ZNF875: variants seen among roughly 807,000 people sequenced by gnomAD.
The protein encoded by ZNF875 is zinc finger protein 875.
ZNF875 carries 14 observed loss-of-function variants against 11.2 expected under a neutral mutation model. That is an observed-to-expected ratio of 1.26 (90% CI 0.83 to 1.96). The LOEUF (loss-of-function observed/expected upper bound fraction) is 1.96. ZNF875 is among the 30% of genes most tolerant of loss of function. ZNF875 has a pLI of 0.00. For synonymous variants in ZNF875, 301 were observed against 281.1 expected (o/e 1.07, Z -0.71); for missense variants, 752 against 760.4 (o/e 0.99, Z 0.13).
rs146959165 is a variant in ZNF875 at position 37,362,257 on chromosome 19, T to C, written c.405T>C (p.Tyr135=). 1.9e-6 allele frequency: 3 copies of C among 1,614,148 alleles called. No homozygotes were observed. The highest frequency in any genetic ancestry group is 3.3e-5 in the Admixed American group (2 of 60,018). The part of the protein sequence containing the change: ...AGNPLHLGKH[Y]PEDQKQQQDP... ...ATCCTCTCCACCTGGGAAAACACTA[T>C]CCAGAAGATCAGAAACAACAGCAGG... Residue 135 remains tyrosine, a synonymous_variant, in exon 5 of 5, where the codon TAT becomes TAC. Coordinates refer to ENST00000392153, the MANE Select transcript of ZNF875 (RefSeq NM_001353803.2).
rs900460649 is a variant in ZNF875, at chr19:37,364,207, C to T, written c.*432C>T. 4 of 177,158 alleles carry T rather than the reference C, an allele frequency of 2.3e-5. No homozygotes were observed. Among genetic ancestry groups the T allele is most frequent in the Non-Finnish European group, 4.8e-5 (4 of 83,458 alleles). The allele number at this position is 177,158 out of a possible 1,614,324, so 11.0% of individuals were successfully genotyped here. A position where few individuals can be genotyped will look rare whatever the true frequency, so the allele number is the denominator to read the frequency against. On this transcript the variant is annotated 3_prime_UTR_variant, in exon 5 of 5. Transcript: ENST00000392153. Reference sequence around the variant, plus strand: ...TGATCCCAACCCTTCACCTATTTTACGTATACCTGCCCTTTCCTAATTGGT... The same window carrying T: ...TGATCCCAACCCTTCACCTATTTTATGTATACCTGCCCTTTCCTAATTGGT...
In ZNF875 at chr19:37,347,227, C is replaced by G. The variant is rs753519959; in HGVS notation, c.71C>G (p.Thr24Ser). The change falls in exon 3 of 5, where the codon ACC (threonine) becomes AGC (serine). Residue 24 changes from threonine to serine, a missense_variant. Thr to Ser is a moderately conservative substitution (Grantham distance 58). Coordinates refer to ENST00000392153, the MANE Select transcript of ZNF875 (RefSeq NM_001353803.2). ...VAFRDVAVYF[T>S]QEEWRLLSPA... ...TTCAGGGATGTGGCTGTGTACTTCA[C>G]CCAGGAGGAGTGGAGGTTGTTGAGC... The G allele has an allele frequency of 1.9e-6, 3 of 1,614,088 alleles. No individual in the cohort carries two copies. In the East Asian group the frequency reaches 6.7e-5, roughly 36 times the overall value.
rs2040103359 is a variant in ZNF875, at chr19:37,362,477, G to C, written c.625G>C (p.Glu209Gln). 1 of 1,614,088 alleles carries C rather than the reference G, an allele frequency of 6.2e-7. No individual in the cohort carries two copies. The highest frequency in any genetic ancestry group is 8.5e-7 in the Non-Finnish European group (1 of 1,180,038). Residue 209 changes from glutamate (E) to glutamine (Q), a missense_variant, in exon 5 of 5, where the codon GAG (glutamate) becomes CAG (glutamine). Physicochemically the swap from Glu to Gln is conservative, Grantham distance 29. Transcript: ENST00000392153. ...CAGCCCTGAACGGAGGGCAGATCTA[G>C]AGGAAACAGACAAAGTATTGCATGG... ...GSSPERRADL[E>Q]ETDKVLHGLE...
At chr19:37,332,853 AGT>A (rs1022470348), upstream of ZNF875, among the ~76,000 whole-genome samples, 78 of 152,310 alleles carry the variant, frequency 5.1e-4, 2 homozygotes, top group Admixed American at 4.4e-3. Flanking sequence ...GCCAGTTAAG[AGT>A]GTGGAAAATA....
At chr19:37,317,178 G>GTTT (rs1568554931), upstream of ZNF875, 3 of 95,194 alleles carry the variant, frequency 3.2e-5, no homozygotes, top group Non-Finnish European at 4.2e-5. Flanking sequence ...TTACTAACCT[G>GTTT]GTTTTTTTTT....
At chr19:37,329,101 T>G (rs963608759) in intron 4 of ZNF875, 1 of 152,224 alleles carries the variant, frequency 6.6e-6, no homozygotes, top group African/African-American at 2.4e-5. Flanking sequence ...AGCTGCTGTA[T>G]TAGATGGTGT....
chr19:37,322,969 C>T (rs1261197433), intron 2 of ZNF875, among the ~76,000 whole-genome samples: 3 of 152,028 alleles, frequency 2.0e-5, no homozygotes, highest in African/African-American at 7.2e-5. Flanking sequence ...ACCCACTACC[C>T]TCCCCCACCC....
At chr19:37,350,376 C>T (rs576655392) in intron 4 of ZNF875, among the ~76,000 whole-genome samples, 1 of 152,202 alleles carries the variant, frequency 6.6e-6, no homozygotes, top group South Asian at 2.1e-4. Context: ...CAGGCGTGAG[C>T]CACTTTACCT....
intron 4 of ZNF875, among the ~76,000 whole-genome samples, chr19:37,348,694 C>T (rs994454552): frequency 2.6e-5 from 4 of 152,120 alleles, no homozygotes; most frequent in African/African-American, 7.2e-5. Flanking sequence ...TGGACAGTTA[C>T]AGTTCTAACA....
chr19:37,347,809 C>T lies in ZNF875; in HGVS notation c.193C>T (p.Gln65Ter). 6.2e-7 allele frequency: 1 copy of T among 1,613,450 alleles called. No homozygotes were observed. Among genetic ancestry groups the T allele is most frequent in the Non-Finnish European group, 8.5e-7 (1 of 1,179,410 alleles). ...ATCTTCTAAACCAAAACTCATTGCT[C>T]AGCTGGAGCGAGGGGAAGCGCCCTG... ...IPSSKPKLIA[Q>*]LERGEAPWRE... The change falls in exon 4 of 5, where the codon CAG becomes TAG. Residue 65 changes from glutamine to a stop codon, truncating the protein, a stop_gained. Coordinates refer to ENST00000392153, the MANE Select transcript of ZNF875 (RefSeq NM_001353803.2). LOFTEE classifies it high-confidence loss of function.
upstream of ZNF875, among the ~76,000 whole-genome samples, chr19:37,314,010 T>TA (rs2030073749): frequency 6.6e-6 from 1 of 152,126 alleles, no homozygotes; most frequent in African/African-American, 2.4e-5. Context: ...TGGATGTGGG[T>TA]TTTTATTTAT....
chr19:37,347,919 A>G (rs773757893), intron 4 of ZNF875, 47 bp downstream of exon 4: 5 of 1,130,396 alleles, frequency 4.4e-6, no homozygotes, highest in Non-Finnish European at 6.7e-6. Context: ...AGCTTGGCAG[A>G]TAGGAAGGAG....
chr19:37,347,875 G>T lies in ZNF875; in HGVS notation c.256+3G>T. On this transcript the variant is annotated splice_donor_region_variant and intron_variant, in intron 4 of 4. Coordinates refer to ENST00000392153, the MANE Select transcript of ZNF875 (RefSeq NM_001353803.2). ...ATGTCCACTGGACCTCTGTCCAGGT[G>T]AGTGTTGAGTGTGGGGTAGACGGGA... is the stretch of plus-strand genomic sequence containing the variant. 1.3e-6 allele frequency: 2 copies of T among 1,541,240 alleles called. No homozygotes were observed. Among genetic ancestry groups the T allele is most frequent in the Non-Finnish European group, 1.8e-6 (2 of 1,113,720 alleles).
At chr19:37,341,344 A>G (rs1207010676) in intron 2 of ZNF875, among the ~76,000 whole-genome samples, 2 of 152,102 alleles carry the variant, frequency 1.3e-5, no homozygotes, top group African/African-American at 4.8e-5. Context: ...TGGTCTTGTC[A>G]TTTTGCTGCA....
intron 4 of ZNF875, among the ~76,000 whole-genome samples, chr19:37,361,638 A>C (rs959600503): frequency 1.3e-5 from 2 of 152,156 alleles, no homozygotes; most frequent in Non-Finnish European, 2.9e-5. Context: ...AATGTAATGC[A>C]TAGGGCTAGA....
intron 4 of ZNF875, 118 bp downstream of exon 4, chr19:37,347,990 G>A (rs2037148433): frequency 1.1e-5 from 7 of 638,980 alleles, no homozygotes; most frequent in South Asian, 9.3e-5. Flanking sequence ...CAAGAGAAAC[G>A]TTGCCTGACA....
chr19:37,342,924 TTTTCC>T, intron 2 of ZNF875, among the ~76,000 whole-genome samples: 1 of 152,178 alleles, frequency 6.6e-6, no homozygotes, highest in South Asian at 2.1e-4. Context: ...GTGCTAATAG[TTTTCC>T]TGGATGCTTT....
intron 4 of ZNF875, among the ~76,000 whole-genome samples, chr19:37,352,418 A>G (rs563785561): frequency 1.3e-5 from 2 of 151,708 alleles, no homozygotes; most frequent in South Asian, 2.1e-4. Flanking sequence ...TTTTTTTCCT[A>G]TTTTTAGTAG....
chr19:37,317,476 A>C (rs1308691329), upstream of ZNF875, among the ~76,000 whole-genome samples: 3 of 152,176 alleles, frequency 2.0e-5, no homozygotes. Context: ...GCCTGGCACT[A>C]GCCTGTTTTT....
Sources: allele counts gnomAD v4.1 joint callset (sites outside exome capture counted in the v4.1 genomes callset), GRCh38; gene constraint gnomAD v4.1.1; transcripts MANE v1.5; gene names NCBI Gene and HGNC (gene_info 2026-07-23, HGNC 2026-07-21).